BLTP1: variants seen among roughly 807,000 people sequenced by gnomAD.
The protein encoded by BLTP1 is bridge-like lipid transfer protein family member 1.
the BLTP1 span, chr4:122,263,463 T>C: frequency 5.0e-6 from 8 of 1,606,274 alleles, no homozygotes; most frequent in East Asian, 2.2e-5. Context: ...GCCACTGATA[T>C]GTTATCTGAA....
At chr4:122,343,723 T>C in the BLTP1 span, 115 of 1,179,458 alleles carry the variant, frequency 9.8e-5, no homozygotes, top group South Asian at 1.1e-3. Context: ...TTTTGTATTT[T>C]TCCTCTTTGA....
the BLTP1 span, chr4:122,247,350 T>C: frequency 1.9e-6 from 3 of 1,613,220 alleles, no homozygotes; most frequent in Admixed American, 1.7e-5. Flanking sequence ...GGGGTCTTGA[T>C]ACAACAGGTA....
the BLTP1 span, chr4:122,202,464 A>C: frequency 1.0e-4 from 30 of 291,058 alleles, no homozygotes; most frequent in Non-Finnish European, 1.5e-4. Flanking sequence ...GAGGTAAAAC[A>C]GTATGTCCAG....
At chr4:122,348,837 C>T in the BLTP1 span, 207 of 673,412 alleles carry the variant, frequency 3.1e-4, no homozygotes, top group Admixed American at 1.8e-3. Flanking sequence ...AGTAGATAAA[C>T]GATATAAAAT....
At chr4:122,163,269 A>G in the BLTP1 span, among the ~76,000 whole-genome samples, 1 of 152,220 alleles carries the variant, frequency 6.6e-6, no homozygotes, top group Admixed American at 6.5e-5. Context: ...TCTGGCTGTT[A>G]CCACTGTGGG....
At chr4:122,350,263 C>G in the BLTP1 span, 1 of 985,358 alleles carries the variant, frequency 1.0e-6, no homozygotes, top group Non-Finnish European at 1.2e-6. Context: ...TTTAGGAAGA[C>G]ATCATTTGTT....
chr4:122,187,423 C>G, the BLTP1 span: 2 of 1,609,604 alleles, frequency 1.2e-6, no homozygotes, highest in Non-Finnish European at 1.7e-6. Flanking sequence ...TTTATTTTTT[C>G]TTGTTAGAGT....
At chr4:122,260,265 G>T in the BLTP1 span, among the ~76,000 whole-genome samples, 2 of 152,266 alleles carry the variant, frequency 1.3e-5, no homozygotes, top group African/African-American at 4.8e-5. Flanking sequence ...TAATCTTATG[G>T]GTTCACTGTT....
the BLTP1 span, chr4:122,199,749 C>T: frequency 4.4e-6 from 1 of 228,032 alleles, no homozygotes; most frequent in African/African-American, 2.3e-5. Flanking sequence ...GATTAAATCT[C>T]TTCTAAGTTC....
chr4:122,257,115 C>A, the BLTP1 span: 1 of 877,408 alleles, frequency 1.1e-6, no homozygotes, highest in Non-Finnish European at 1.7e-6. Context: ...TAACTTTGAA[C>A]AAATTACTTA....
the BLTP1 span, among the ~76,000 whole-genome samples, chr4:122,238,996 G>A: frequency 5.9e-5 from 9 of 152,128 alleles, no homozygotes; most frequent in South Asian, 2.1e-4. Flanking sequence ...CTACCTTCTT[G>A]ATGTATCTGC....
At chr4:122,165,233 C>G in the BLTP1 span, among the ~76,000 whole-genome samples, 1 of 151,994 alleles carries the variant, frequency 6.6e-6, no homozygotes, top group Non-Finnish European at 1.5e-5. Context: ...CCCCCGCACC[C>G]TATGATAGGC....
At chr4:122,181,257 C>A in the BLTP1 span, 1 of 967,412 alleles carries the variant, frequency 1.0e-6, no homozygotes, top group Non-Finnish European at 1.2e-6. Context: ...TTTAAAAGAG[C>A]TATACTGGAC....
At chr4:122,182,589 G>A in the BLTP1 span, 1 of 937,338 alleles carries the variant, frequency 1.1e-6, no homozygotes, top group Non-Finnish European at 1.3e-6. Context: ...CATGCTCCTT[G>A]AGGAATAAGG....
chr4:122,175,517 G>T, the BLTP1 span, among the ~76,000 whole-genome samples: 1 of 152,008 alleles, frequency 6.6e-6, no homozygotes, highest in East Asian at 1.9e-4. Context: ...ATTTAAAAAG[G>T]AAAACATTTC....
At chr4:122,185,307 G>C in the BLTP1 span, 2 of 982,212 alleles carry the variant, frequency 2.0e-6, no homozygotes, top group Non-Finnish European at 2.4e-6. Context: ...AAAATGGATA[G>C]AGGTTATAAA....
At chr4:122,197,863 A>G in the BLTP1 span, 2 of 587,252 alleles carry the variant, frequency 3.4e-6, no homozygotes, top group East Asian at 1.4e-4. Context: ...AATAACATGA[A>G]TAAATACTTT....
chr4:122,216,364 T>A, the BLTP1 span, among the ~76,000 whole-genome samples: 4 of 152,180 alleles, frequency 2.6e-5, no homozygotes, highest in South Asian at 8.3e-4. Context: ...GTGGTTGTAC[T>A]AGTTTACATT....
chr4:122,267,494 G>A, the BLTP1 span: 6 of 212,894 alleles, frequency 2.8e-5, no homozygotes, highest in Admixed American at 3.3e-4. Flanking sequence ...TTTGAACCAC[G>A]TTAGCACATA....
Sources: gnomAD v4.1 joint callset for allele counts (sites outside exome capture counted in the v4.1 genomes callset) on GRCh38, gnomAD v4.1.1 for gene constraint, MANE v1.5 for transcripts, NCBI Gene and HGNC (gene_info 2026-07-23, HGNC 2026-07-21) for gene names.